The following PER2 variants were observed in gnomAD, a reference collection of about 807,000 sequenced individuals.
PER2 encodes period circadian protein homolog 2.
In PER2, 66 loss-of-function variants were observed where a neutral mutation model predicts 121.0. The observed-to-expected ratio is 0.55, with a 90% confidence interval of 0.45 to 0.67. The LOEUF (loss-of-function observed/expected upper bound fraction) is 0.67. Ranked by LOEUF, PER2 falls within the 30% of genes least tolerant of loss-of-function variation. The pLI is 0.00. For missense variants in PER2, 1,521 were observed against 1,635.0 expected (o/e 0.93, Z 1.20); for synonymous variants, 684 against 659.9 (o/e 1.04, Z -0.56).
At chr2:238,286,934 G>A (rs1445811587) in intron 1 of PER2, among the ~76,000 whole-genome samples, 1 of 152,232 alleles carries the variant, frequency 6.6e-6, no homozygotes. Flanking sequence ...CCAAAGGCAA[G>A]AGCATATCAG....
chr2:238,255,698 T>C lies in PER2; in HGVS notation c.2279A>G (p.Tyr760Cys). 1 of 1,614,234 alleles carries C rather than the reference T, an allele frequency of 6.2e-7. No individual in the cohort carries two copies. Among genetic ancestry groups the C allele is most frequent in the Non-Finnish European group, 8.5e-7 (1 of 1,180,002 alleles). The change falls in exon 18 of 23, where the codon TAC becomes TGC. Residue 760 changes from tyrosine to cysteine, a missense_variant. Physicochemically the swap from Tyr to Cys is radical, Grantham distance 194. Transcript: ENST00000254657. Reference sequence around the variant, plus strand: ...CCCCTTGGATCTTTCTTGCAAGTAGTAATGGCAGTGGGACTGGAAAATGCT... The same window carrying C: ...CCCCTTGGATCTTTCTTGCAAGTAGCAATGGCAGTGGGACTGGAAAATGCT... ...KLSIFQSHCH[Y>C]YLQERSKGQP...
chr2:238,259,024 C>G (rs926493382), intron 14 of PER2, among the ~76,000 whole-genome samples: 3 of 152,188 alleles, frequency 2.0e-5, no homozygotes, highest in African/African-American at 7.2e-5. Context: ...TCAAGGTGAT[C>G]CCTGCTAGTA....
At chr2:238,249,342 AT>A in intron 21 of PER2, 130 bp from the exon 22 acceptor site, 1 of 900,192 alleles carries the variant, frequency 1.1e-6, no homozygotes, top group Non-Finnish European at 1.7e-6. Context: ...AAAAATTTTC[AT>A]TTAAGGTAAC....
chr2:238,255,871 G>A lies in PER2; in HGVS notation c.2106C>T (p.Asp702=). Residue 702 remains aspartate (D), a synonymous_variant, in exon 18 of 23, where the codon GAC becomes GAT. Transcript: ENST00000254657. ...EDAASGPESL[D]CLAGPALACG... is the part of the protein sequence containing the mutation. ...AGGCCAGGGCAGGGCCCGCCAGGCA[G>A]TCCAGGGATTCTGGCCCACTCGCAG... 6.2e-7 allele frequency: 1 copy of A among 1,614,226 alleles called. No individual in the cohort carries two copies. Among genetic ancestry groups the A allele is most frequent in the Non-Finnish European group, 8.5e-7 (1 of 1,180,040 alleles).
chr2:238,270,351 G>A (rs1270325321), intron 6 of PER2, among the ~76,000 whole-genome samples: 1 of 151,920 alleles, frequency 6.6e-6, no homozygotes, highest in Non-Finnish European at 1.5e-5. Context: ...CAGAAATGAA[G>A]GAAGAGGTGT....
In PER2 at chr2:238,258,400, C is replaced by T. The variant is rs751731098; in HGVS notation, c.1776G>A (p.Arg592=). The T allele has an allele frequency of 1.2e-6, 2 of 1,614,030 alleles. No homozygotes were observed. Among genetic ancestry groups the T allele is most frequent in the South Asian group, 1.1e-5 (1 of 91,084 alleles). The part of the protein sequence containing the change: ...QQISCLDSVI[R]YLESCNEAAT... ...CAGCCTCATTGCAGCTCTCCAAGTACCTGTGTGAAAGGCATGAACCACTGG... is the reference window on the plus strand; with the variant it reads ...CAGCCTCATTGCAGCTCTCCAAGTATCTGTGTGAAAGGCATGAACCACTGG... The change falls in exon 16 of 23, where the codon AGG becomes AGA. Residue 592 remains arginine (R), a splice_region_variant and synonymous_variant. Transcript: ENST00000254657.
At chr2:238,289,165 C>T (rs1327407590), upstream of PER2, 2 of 152,202 alleles carry the variant, frequency 1.3e-5, no homozygotes, top group South Asian at 2.1e-4. Context: ...GCCTGGCAGA[C>T]CCGGCGCGCC....
At chr2:238,265,023 T>C (rs1323262472) in intron 9 of PER2, among the ~76,000 whole-genome samples, 1 of 152,212 alleles carries the variant, frequency 6.6e-6, no homozygotes, top group East Asian at 1.9e-4. Flanking sequence ...ACTCAGAACA[T>C]GGGTGCTCCC....
At chr2:238,271,592 A>T (rs1574854573) in intron 5 of PER2, 79 bp from the exon 6 acceptor site, 2 of 1,106,728 alleles carry the variant, frequency 1.8e-6, no homozygotes, top group Admixed American at 3.6e-5. Flanking sequence ...GGCAGGCTGG[A>T]GGGAGCCGCC....
chr2:238,273,353 A>G (rs1310723226), intron 4 of PER2, among the ~76,000 whole-genome samples, 162 bp from the exon 5 acceptor site: 1 of 152,250 alleles, frequency 6.6e-6, no homozygotes, highest in Non-Finnish European at 1.5e-5. Context: ...TGAAGGCAAA[A>G]CAAACTCACA....
In PER2 at chr2:238,250,872, C is replaced by T. The variant is rs183637809; in HGVS notation, c.3275-129G>A. On this transcript the variant is annotated intron_variant, in intron 20 of 22. Transcript: ENST00000254657. ...CTTCTTAGGTATTGGGTATCTATGCCGGTGCATGTTCCCCTTCTCTCCCAC... is the reference window on the plus strand; with the variant it reads ...CTTCTTAGGTATTGGGTATCTATGCTGGTGCATGTTCCCCTTCTCTCCCAC... 144 of 690,084 alleles carry T rather than the reference C, an allele frequency of 2.1e-4. No individual in the cohort carries two copies. The Admixed American group carries it at 2.3e-3, about 11-fold the overall frequency. 42.7% of individuals were successfully genotyped at this position (690,084 alleles called of 1,614,324 possible).
chr2:238,273,341 C>T (rs188283312), intron 4 of PER2, 150 bp from the exon 5 acceptor site: 187 of 808,786 alleles, frequency 2.3e-4, no homozygotes, highest in Non-Finnish European at 3.1e-4. Context: ...CATACGGAAA[C>T]GTGAAGGCAA....
At chr2:238,284,951 T>C (rs904450382) in intron 1 of PER2, among the ~76,000 whole-genome samples, 1 of 143,042 alleles carries the variant, frequency 7.0e-6, no homozygotes, top group Admixed American at 7.4e-5. Context: ...TGTGTGCCCA[T>C]AGCCAGCTGG....
chr2:238,261,609 G>C, intron 12 of PER2, 120 bp downstream of exon 12: 2 of 722,160 alleles, frequency 2.8e-6, no homozygotes, highest in Non-Finnish European at 5.0e-6. Context: ...GGGATGTTCA[G>C]AGAATGACAG....
rs75724304 is a variant in PER2, at chr2:238,253,441, G to A, written c.2582C>T (p.Ala861Val). The change falls in exon 19 of 23, where the codon GCG becomes GTG. Residue 861 changes from alanine to valine, a missense_variant. Ala to Val is a moderately conservative substitution (Grantham distance 64). Coordinates refer to ENST00000254657, the MANE Select transcript of PER2 (RefSeq NM_022817.3). The surrounding 1 kb of genome is among the most constrained non-coding windows in gnomAD (Gnocchi z 5.6). ...PAAYSLPVFP[A>V]PGTVAAPPAP... ...CGGGGGTGCTGCCACAGTCCCTGGCGCTGGAAACACGGGCAGTGAATAAGC... is the reference window on the plus strand; with the variant it reads ...CGGGGGTGCTGCCACAGTCCCTGGCACTGGAAACACGGGCAGTGAATAAGC... 2,009 of 1,612,588 alleles carry A rather than the reference G, an allele frequency of 1.2e-3. 58 individuals carry two copies. The Admixed American group carries it at 0.031, about 25-fold the overall frequency.
In PER2 at chr2:238,277,699, G is replaced by A; in HGVS notation, c.230+8C>T. On this transcript the variant is annotated splice_region_variant and intron_variant, in intron 2 of 22. Coordinates refer to ENST00000254657, the MANE Select transcript of PER2 (RefSeq NM_022817.3). The stretch of plus-strand genomic sequence containing the variant: ...CCCAGCCTCCATCTGGCCAGAGGCT[G>A]AACTCACCTCTGGCGGGCATCCGGT... 6.2e-7 allele frequency: 1 copy of A among 1,613,960 alleles called. No homozygotes were observed.
At chr2:238,260,737 C>T (rs1695900463) in intron 13 of PER2, 91 bp downstream of exon 13, 1 of 1,473,248 alleles carries the variant, frequency 6.8e-7, no homozygotes, top group Admixed American at 1.7e-5. Context: ...GAAGCCCCTC[C>T]TAACTGCCAA....
chr2:238,282,304 A>G (rs1245434846), intron 1 of PER2, among the ~76,000 whole-genome samples: 1 of 151,436 alleles, frequency 6.6e-6, no homozygotes, highest in Middle Eastern at 3.2e-3. Flanking sequence ...CCGTCTCCCC[A>G]CCAGCTCCTT....
intron 14 of PER2, among the ~76,000 whole-genome samples, 189 bp downstream of exon 14, chr2:238,259,780 G>A (rs1402201720): frequency 6.6e-6 from 1 of 152,220 alleles, no homozygotes; most frequent in African/African-American, 2.4e-5. Context: ...TGCCTGCACT[G>A]GCTGAGTGCA....
Sources: allele counts gnomAD v4.1 joint callset (sites outside exome capture counted in the v4.1 genomes callset), GRCh38; gene constraint gnomAD v4.1.1; non-coding constraint Gnocchi (gnomAD v3.1); transcripts MANE v1.5; gene names NCBI Gene and HGNC (gene_info 2026-07-23, HGNC 2026-07-21).